Variants in PTCHD4 observed in about 807,000 individuals in gnomAD.
PTCHD4 encodes patched domain containing 4.
Under a neutral mutation model 58.1 loss-of-function variants are expected in PTCHD4, and 33 were observed. That is an observed-to-expected ratio of 0.57 (90% CI 0.43 to 0.76). The LOEUF (loss-of-function observed/expected upper bound fraction) is 0.76, where lower values mean the gene tolerates loss of function less well. Among genes scored for constraint, PTCHD4 ranks in the 30% least tolerant of loss-of-function variants. The probability of loss-of-function intolerance (pLI) is 0.00; values close to 1 mark genes in which losing one functional copy is unlikely to be tolerated. For synonymous variants in PTCHD4, 478 were observed against 409.6 expected (o/e 1.17, Z -2.02); for missense variants, 1,058 against 1,027.1 (o/e 1.03, Z -0.41).
At position 47,876,081 on chromosome 6, in the gene PTCHD4, C is replaced by T. The variant is rs568360130; in HGVS notation, c.*2222G>A. Reference sequence around the variant, plus strand: ...TCCTCCCTGCACCCCCACTACAAAACTCCCACCCAAACAAAAAATCAAAAC... The same window carrying T: ...TCCTCCCTGCACCCCCACTACAAAATTCCCACCCAAACAAAAAATCAAAAC... On this transcript the variant is annotated 3_prime_UTR_variant, in exon 5 of 5. Transcript: ENST00000339488. Among the ~76,000 whole-genome samples, 1 of 150,840 alleles carries T rather than the reference C, an allele frequency of 6.6e-6. No individual in the cohort carries two copies. The highest frequency in any genetic ancestry group is 2.0e-4 in the East Asian group (1 of 5,062).
intron 3 of PTCHD4, among the ~76,000 whole-genome samples, chr6:48,046,424 G>C (rs765611290): frequency 6.6e-6 from 1 of 151,766 alleles, no homozygotes; most frequent in Non-Finnish European, 1.5e-5. Flanking sequence ...AGAAGTGTCA[G>C]TTATAGTCTC....
chr6:47,972,469 CTG>C lies in PTCHD4; in HGVS notation c.898+36163_898+36164del, dbSNP rs536293174. On this transcript the variant is annotated intron_variant, in intron 4 of 4. Coordinates refer to ENST00000339488, the MANE Select transcript of PTCHD4 (RefSeq NM_001384253.1). ...AAAGGGAAACAAATATTTTTTAAAACTGTACAATCTCCTAATGTTTTGCATAA... is the reference window on the plus strand; with the variant it reads ...AAAGGGAAACAAATATTTTTTAAAACTACAATCTCCTAATGTTTTGCATAA... Among the ~76,000 whole-genome samples the C allele has an allele frequency of 2.8e-4, 42 of 152,196 alleles. No homozygotes were observed. In the South Asian group the frequency reaches 8.1e-3, roughly 29 times the overall value.
chr6:47,899,482 G>T, intron 4 of PTCHD4: 1 of 553,428 alleles, frequency 1.8e-6, no homozygotes, highest in Non-Finnish European at 2.3e-6. Context: ...TCTTGAGTTT[G>T]AATTCATTTT....
chr6:47,933,997 A>G (rs573853613), intron 4 of PTCHD4, among the ~76,000 whole-genome samples: 42 of 152,322 alleles, frequency 2.8e-4, no homozygotes, highest in African/African-American at 1.0e-3. Flanking sequence ...TGGTAGAATA[A>G]CAGGGTAATC....
chr6:47,956,864 A>G (rs117830137), intron 4 of PTCHD4, among the ~76,000 whole-genome samples: 1 of 152,108 alleles, frequency 6.6e-6, no homozygotes, highest in Non-Finnish European at 1.5e-5. Flanking sequence ...GTTTTCTATC[A>G]TTTAAAAAAT....
At chr6:48,052,512 C>T (rs532027508) in intron 3 of PTCHD4, among the ~76,000 whole-genome samples, 15 of 151,996 alleles carry the variant, frequency 9.9e-5, no homozygotes, top group South Asian at 6.2e-4. Context: ...CCCTGAAGTG[C>T]GTAGATGAGA....
intron 4 of PTCHD4, among the ~76,000 whole-genome samples, chr6:47,914,604 T>A (rs12209011): frequency 1.3e-5 from 2 of 150,442 alleles, no homozygotes; most frequent in African/African-American, 4.9e-5. Flanking sequence ...ATAGTTAATC[T>A]TTCTCTCTCT....
intron 1 of PTCHD4, among the ~76,000 whole-genome samples, chr6:48,079,117 C>CA (rs398001467): frequency 0.042 from 3,089 of 73,016 alleles, 66 homozygotes; most frequent in Middle Eastern, 0.057. Flanking sequence ...AATTCCATCA[C>CA]AAAAAAAAAA....
In PTCHD4 at chr6:48,068,909, C is replaced by G. The variant is rs1286914560; in HGVS notation, c.5+44G>C. ...CGGGCGCCGCGGGGCCCACCCCCTC[C>G]CCGGTCTCCCCGCGCCCTCGCCGCC... On this transcript the variant is annotated intron_variant, in intron 2 of 4. Coordinates refer to ENST00000339488, the MANE Select transcript of PTCHD4 (RefSeq NM_001384253.1). This position sits in a 1 kb window ranked among gnomAD's most constrained non-coding sequence, Gnocchi z 4.2. Among the ~76,000 whole-genome samples, 2 of 151,630 alleles carry G rather than the reference C, an allele frequency of 1.3e-5. No individual in the cohort carries two copies. The highest frequency in any genetic ancestry group is 2.9e-5 in the Non-Finnish European group (2 of 67,860).
intron 4 of PTCHD4, among the ~76,000 whole-genome samples, chr6:47,960,650 A>G (rs997015748): frequency 6.6e-6 from 1 of 152,122 alleles, no homozygotes; most frequent in African/African-American, 2.4e-5. Flanking sequence ...ATAATACATT[A>G]GAAAAACATA....
Position 47,875,730 on chromosome 6 carries a change from A to G in PTCHD4, c.*2573T>C, listed in dbSNP as rs1389704613. ...GAGACTATCTGGATGGAGACATAAT[A>G]TTAGATCTGCCCTGGTCATTTGGCA... On this transcript the variant is annotated 3_prime_UTR_variant, in exon 5 of 5. Transcript: ENST00000339488. 6.6e-6 allele frequency among the ~76,000 whole-genome samples: 1 copy of G among 151,858 alleles called. No homozygotes were observed. Among genetic ancestry groups the G allele is most frequent in the East Asian group, 1.9e-4 (1 of 5,142 alleles).
At chr6:48,032,824 A>T (rs559407633) in intron 3 of PTCHD4, among the ~76,000 whole-genome samples, 1 of 152,108 alleles carries the variant, frequency 6.6e-6, no homozygotes, top group African/African-American at 2.4e-5. Flanking sequence ...GTCTTGTGGT[A>T]GTTTCTGAAT....
intron 1 of PTCHD4, among the ~76,000 whole-genome samples, chr6:48,072,571 TACAA>T (rs1430664521): frequency 6.6e-6 from 1 of 152,220 alleles, no homozygotes; most frequent in African/African-American, 2.4e-5. Context: ...AGAATGGTAC[TACAA>T]ACAAAGATCT....
At chr6:48,006,569 T>A (rs1413140844) in intron 4 of PTCHD4, among the ~76,000 whole-genome samples, 1 of 152,162 alleles carries the variant, frequency 6.6e-6, no homozygotes, top group African/African-American at 2.4e-5. Flanking sequence ...GCGATGAGAC[T>A]TCATTCAAAA....
chr6:47,919,373 C>G (rs992983349), intron 4 of PTCHD4, among the ~76,000 whole-genome samples: 1 of 152,104 alleles, frequency 6.6e-6, no homozygotes, highest in Non-Finnish European at 1.5e-5. Flanking sequence ...ATAATTTCAT[C>G]ATGATAAATG....
At chr6:47,912,653 A>T (rs1428923152) in intron 4 of PTCHD4, among the ~76,000 whole-genome samples, 1 of 152,172 alleles carries the variant, frequency 6.6e-6, no homozygotes. Context: ...AATTAGTGAC[A>T]TTATTATTGG....
rs150430514 is a variant in PTCHD4 at position 48,079,730 on chromosome 6, C to T, written c.-969-9804G>A. Among the ~76,000 whole-genome samples, 8 of 151,752 alleles carry T rather than the reference C, an allele frequency of 5.3e-5. No homozygotes were observed. In the East Asian group the frequency reaches 1.5e-3, roughly 29 times the overall value. On this transcript the variant is annotated intron_variant, in intron 1 of 4. Coordinates refer to ENST00000339488, the MANE Select transcript of PTCHD4 (RefSeq NM_001384253.1). Reference sequence around the variant, plus strand: ...CTATTTTATTATTTCTTTAAATTTCCTACAGCCAGTGCTATTATTGCCTAT... The same window carrying T: ...CTATTTTATTATTTCTTTAAATTTCTTACAGCCAGTGCTATTATTGCCTAT...
At chr6:48,059,743 C>G (rs895765049) in intron 3 of PTCHD4, among the ~76,000 whole-genome samples, 1 of 152,120 alleles carries the variant, frequency 6.6e-6, no homozygotes, top group Non-Finnish European at 1.5e-5. Flanking sequence ...TATGCTGACT[C>G]TCAAGAAATT....
rs368548104 is a variant in PTCHD4, at chr6:47,947,432, AT to A, written c.898+61201del. On this transcript the variant is annotated intron_variant, in intron 4 of 4. Transcript: ENST00000339488. Reference sequence around the variant, plus strand: ...TATCTCACACCTTCCTTTTGAGGTCATTTTTTTTCTTCTTGAATTACATTCA... The same window carrying A: ...TATCTCACACCTTCCTTTTGAGGTCATTTTTTTCTTCTTGAATTACATTCA... Among the ~76,000 whole-genome samples, 782 of 151,568 alleles carry A rather than the reference AT, an allele frequency of 5.2e-3. 4 individuals carry two copies. Among genetic ancestry groups the A allele is most frequent in the African/African-American group, 0.017 (706 of 41,366 alleles).
Sources: gnomAD v4.1 joint callset for allele counts (sites outside exome capture counted in the v4.1 genomes callset) on GRCh38, gnomAD v4.1.1 for gene constraint, Gnocchi (gnomAD v3.1) non-coding constraint, MANE v1.5 for transcripts, NCBI Gene and HGNC (gene_info 2026-07-23, HGNC 2026-07-21) for gene names.